The following PTPRT variants were observed in gnomAD, a reference collection of about 807,000 sequenced individuals.
PTPRT encodes the protein protein tyrosine phosphatase receptor type T.
Under a neutral mutation model 176.8 loss-of-function variants are expected in PTPRT, and 56 were observed. The ratio of observed to expected loss-of-function variants is 0.32; its 90% CI spans 0.26 to 0.40. The LOEUF is 0.40. PTPRT is among the 10% of genes least tolerant of loss of function. The pLI is 1.00. For missense variants in PTPRT, 1,540 were observed against 1,908.2 expected, an observed-to-expected ratio of 0.81 and a Z score of 3.60; for synonymous variants, 783 against 739.0, an observed-to-expected ratio of 1.06 and a Z score of -0.96.
intron 7 of PTPRT, among the ~76,000 whole-genome samples, chr20:42,667,829 G>T (rs1244534837): frequency 2.0e-5 from 3 of 152,186 alleles, no homozygotes; most frequent in Non-Finnish European, 4.4e-5. Flanking sequence ...AGAAAGCAGA[G>T]GCTTTTAAAG....
chr20:42,187,017 A>G (rs1346302833), intron 16 of PTPRT, among the ~76,000 whole-genome samples: 2 of 152,148 alleles, frequency 1.3e-5, no homozygotes, highest in East Asian at 3.9e-4. Flanking sequence ...TTTCAGCCCC[A>G]TATAATTAGG....
At chr20:42,851,136 A>G (rs2078462353) in intron 2 of PTPRT, among the ~76,000 whole-genome samples, 1 of 152,154 alleles carries the variant, frequency 6.6e-6, no homozygotes, top group Non-Finnish European at 1.5e-5. Context: ...TCCTCTCATT[A>G]GAGTTGAACA....
At chr20:42,325,774 A>C (rs1178980338) in intron 11 of PTPRT, among the ~76,000 whole-genome samples, 5 of 152,152 alleles carry the variant, frequency 3.3e-5, no homozygotes, top group Admixed American at 3.3e-4. Flanking sequence ...CTCTGACCTT[A>C]CTTAGAGTAA....
At chr20:43,133,244 G>GA (rs758409554) in intron 1 of PTPRT, among the ~76,000 whole-genome samples, 1 of 151,882 alleles carries the variant, frequency 6.6e-6, no homozygotes, top group Non-Finnish European at 1.5e-5. Flanking sequence ...CAGTAAAAAA[G>GA]AAAAAATAAT....
At chr20:42,270,363 T>TCG in intron 13 of PTPRT, 45 of 1,332,682 alleles carry the variant, frequency 3.4e-5, no homozygotes, top group Non-Finnish European at 4.3e-5. Context: ...TGGGCAACTC[T>TCG]CCCCTCCCAC....
intron 15 of PTPRT, among the ~76,000 whole-genome samples, chr20:42,211,884 C>G (rs965825685): frequency 1.9e-4 from 29 of 151,570 alleles, no homozygotes; most frequent in Non-Finnish European, 3.8e-4. Context: ...ATAGCAAAGA[C>G]TTGGAACCAA....
intron 4 of PTPRT, among the ~76,000 whole-genome samples, chr20:42,773,784 G>C (rs2077096155): frequency 6.6e-6 from 1 of 152,224 alleles, no homozygotes. Flanking sequence ...TAAAGGGGGA[G>C]TGAACACATC....
At chr20:42,568,910 G>T (rs1315512423) in intron 7 of PTPRT, among the ~76,000 whole-genome samples, 1 of 150,978 alleles carries the variant, frequency 6.6e-6, no homozygotes, top group Non-Finnish European at 1.5e-5. Flanking sequence ...CTCCCCAGGA[G>T]TGATAGCAGA....
At chr20:42,249,250 C>A (rs950004876) in intron 13 of PTPRT, among the ~76,000 whole-genome samples, 1 of 152,054 alleles carries the variant, frequency 6.6e-6, no homozygotes, top group Non-Finnish European at 1.5e-5. Context: ...TTTGGGGCAA[C>A]ACAATTTAAA....
chr20:42,515,214 G>A (rs2072038132), intron 7 of PTPRT, among the ~76,000 whole-genome samples: 1 of 152,184 alleles, frequency 6.6e-6, no homozygotes, highest in Non-Finnish European at 1.5e-5. Flanking sequence ...TTTGGGCATG[G>A]TGGCTCATGC....
chr20:42,560,548 C>T (rs1240593044), intron 7 of PTPRT, among the ~76,000 whole-genome samples: 1 of 152,204 alleles, frequency 6.6e-6, no homozygotes, highest in Non-Finnish European at 1.5e-5. Context: ...TTGCCAATTT[C>T]TCATAGGGAG....
At chr20:42,602,060 C>T (rs10854226) in intron 7 of PTPRT, among the ~76,000 whole-genome samples, 38,028 of 151,936 alleles carry the variant, frequency 0.25, 5,147 homozygotes, top group Non-Finnish European at 0.3. Context: ...GCCTTGTTAC[C>T]GGCTCTGCTT....
At position 42,694,528 on chromosome 20, in the gene PTPRT, G is replaced by C. The variant is rs535811913; in HGVS notation, c.860-16369C>G. 2.6e-5 allele frequency among the ~76,000 whole-genome samples: 4 copies of C among 152,240 alleles called. No individual in the cohort carries two copies. The South Asian group carries it at 8.3e-4, about 32-fold the overall frequency. On this transcript the variant is annotated intron_variant, in intron 6 of 30. Coordinates refer to ENST00000373187, the MANE Select transcript of PTPRT (RefSeq NM_007050.6). ...CATGAACAGTTATGTATAGGTTTTT[G>C]TGTGAACATAAGTTTTCATTTTTCT...
chr20:42,797,159 C>G (rs1322168840), intron 2 of PTPRT, among the ~76,000 whole-genome samples: 1 of 152,182 alleles, frequency 6.6e-6, no homozygotes, highest in Non-Finnish European at 1.5e-5. Context: ...GCTGCCCCGT[C>G]TCCACCTCCC....
rs116155630 is a variant in PTPRT at position 42,555,955 on chromosome 20, A to G, written c.1154-83393T>C. 7.4e-3 allele frequency among the ~76,000 whole-genome samples: 1,128 copies of G among 152,294 alleles called. 20 individuals are homozygous for G. The highest frequency in any genetic ancestry group is 0.026 in the African/African-American group (1,087 of 41,556). ...ATGATAGGATTTTTCTGTTACCACC[A>G]TAAAGCCGATTAATATAAAAAAGCC... On this transcript the variant is annotated intron_variant, in intron 7 of 30. Coordinates refer to ENST00000373187, the MANE Select transcript of PTPRT (RefSeq NM_007050.6).
At chr20:42,465,617 A>T (rs572279038) in intron 8 of PTPRT, among the ~76,000 whole-genome samples, 11 of 152,266 alleles carry the variant, frequency 7.2e-5, no homozygotes, top group Admixed American at 5.2e-4. Context: ...AGTATTACAT[A>T]TTTTTTTGCA....
At chr20:42,720,903 C>A (rs568575682) in intron 6 of PTPRT, among the ~76,000 whole-genome samples, 3 of 152,298 alleles carry the variant, frequency 2.0e-5, no homozygotes, top group Admixed American at 6.5e-5. Flanking sequence ...GCTCGAGAGA[C>A]CTCCTGGCAT....
chr20:42,184,543 C>CTTG (rs1990663548), intron 16 of PTPRT, among the ~76,000 whole-genome samples: 1 of 99,486 alleles, frequency 1.0e-5, no homozygotes, highest in Non-Finnish European at 1.9e-5. Flanking sequence ...TCCTCTTCCT[C>CTTG]TTCTTCTTCT....
chr20:42,633,433 C>G (rs1322540111), intron 7 of PTPRT, among the ~76,000 whole-genome samples: 1 of 151,936 alleles, frequency 6.6e-6, no homozygotes, highest in African/African-American at 2.4e-5. Context: ...GATAGCATAG[C>G]AGTGTCCATT....
Sources: allele counts gnomAD v4.1 joint callset (sites outside exome capture counted in the v4.1 genomes callset), GRCh38; gene constraint gnomAD v4.1.1; transcripts MANE v1.5; gene names NCBI Gene and HGNC (gene_info 2026-07-23, HGNC 2026-07-21).